Variants in CNTLN observed in about 807,000 individuals in gnomAD.
CNTLN encodes centlein, centrosomal protein.
CNTLN carries 212 observed loss-of-function variants against 180.0 expected under a neutral mutation model. The ratio of observed to expected loss-of-function variants is 1.18; its 90% CI spans 1.05 to 1.32. The LOEUF is 1.32. Ranked by LOEUF, CNTLN falls within the 40% of genes most tolerant of loss-of-function variation. CNTLN has a pLI of 0.00. For synonymous variants in CNTLN, 722 were observed against 563.1 expected (o/e 1.28, Z -3.99); for missense variants, 2,095 against 1,610.9 (o/e 1.30, Z -5.14).
At chr9:17,259,607 G>T (rs1554670077) in intron 5 of CNTLN, among the ~76,000 whole-genome samples, 1 of 150,738 alleles carries the variant, frequency 6.6e-6, no homozygotes, top group Non-Finnish European at 1.5e-5. Context: ...TCTGGTCCTG[G>T]ACTCTTTTTT....
rs543156669 is a variant in CNTLN, at chr9:17,409,441, A to G, written c.2764A>G (p.Thr922Ala). Residue 922 changes from threonine to alanine, a missense_variant, in exon 16 of 26, where the codon ACA (threonine) becomes GCA (alanine). By Grantham distance (58) the Thr-to-Ala change is moderately conservative. Transcript: ENST00000380647. ...AACACAAGGAAAAGAAATAGTACAGACATATTTAAATATAGATGGCAAGAC... is the reference window on the plus strand; with the variant it reads ...AACACAAGGAAAAGAAATAGTACAGGCATATTTAAATATAGATGGCAAGAC... ...SQTQGKEIVQ[T>A]YLNIDGKTPK... 8 of 1,606,714 alleles carry G rather than the reference A, an allele frequency of 5.0e-6. No individual in the cohort carries two copies. In the African/African-American group the frequency reaches 8.1e-5, roughly 16 times the overall value.
chr9:17,302,081 CAT>C (rs1388911727), intron 7 of CNTLN: 52 of 977,754 alleles, frequency 5.3e-5, no homozygotes, highest in African/African-American at 1.5e-4. Flanking sequence ...ACTGACTACA[CAT>C]ATGTGTACAC....
At chr9:17,374,897 A>T (rs112226754) in intron 13 of CNTLN, among the ~76,000 whole-genome samples, 34 of 152,162 alleles carry the variant, frequency 2.2e-4, no homozygotes, top group African/African-American at 7.5e-4. Flanking sequence ...CTGTGATATG[A>T]TCTAGCTATC....
the CNTLN span, among the ~76,000 whole-genome samples, chr9:17,514,731 G>C: frequency 2.0e-5 from 3 of 152,176 alleles, no homozygotes; most frequent in Admixed American, 1.3e-4. Context: ...CCAAGCCATA[G>C]ACTCCTGAGC....
At chr9:17,137,632 A>G (rs1817811168) in intron 1 of CNTLN, among the ~76,000 whole-genome samples, 1 of 152,222 alleles carries the variant, frequency 6.6e-6, no homozygotes, top group Admixed American at 6.5e-5. Flanking sequence ...AATTAATTTC[A>G]GAACCCAACA....
intron 2 of CNTLN, among the ~76,000 whole-genome samples, chr9:17,179,401 A>G (rs1052515740): frequency 1.3e-5 from 2 of 151,948 alleles, no homozygotes; most frequent in Admixed American, 6.6e-5. Context: ...ATTCAGTTCT[A>G]TGTATTTTTA....
chr9:17,446,389 T>C (rs1043621462), intron 18 of CNTLN, among the ~76,000 whole-genome samples: 1 of 152,198 alleles, frequency 6.6e-6, no homozygotes, highest in Admixed American at 6.5e-5. Context: ...ATTTAGGATA[T>C]ATTTAAGAAA....
chr9:17,196,692 AT>A (rs1822154907), intron 2 of CNTLN, among the ~76,000 whole-genome samples: 2 of 151,032 alleles, frequency 1.3e-5, no homozygotes, highest in South Asian at 4.1e-4. Context: ...GTAATAATAC[AT>A]TTTTAATATT....
chr9:17,448,452 C>T (rs1413683488), intron 18 of CNTLN: 1 of 152,246 alleles, frequency 6.6e-6, no homozygotes, highest in Non-Finnish European at 1.5e-5. Flanking sequence ...TTCACTTTCA[C>T]CTTCAGCAAA....
chr9:17,375,803 C>T lies in CNTLN; in HGVS notation c.1987+9086C>T, dbSNP rs78597022. Among the ~76,000 whole-genome samples, 2,698 of 152,128 alleles carry T rather than the reference C, an allele frequency of 0.018. 156 individuals are homozygous for T. In the East Asian group the frequency reaches 0.23, roughly 13 times the overall value. On this transcript the variant is annotated intron_variant, in intron 13 of 25. Coordinates refer to ENST00000380647, the MANE Select transcript of CNTLN (RefSeq NM_017738.4). Reference sequence around the variant, plus strand: ...CAGCTAGCTTAAATATGACCAGTAACGGGGAATGTCTCACTGCTCAAATTG... The same window carrying T: ...CAGCTAGCTTAAATATGACCAGTAATGGGGAATGTCTCACTGCTCAAATTG...
intron 2 of CNTLN, chr9:17,167,421 C>T (rs1820144497): frequency 6.6e-6 from 1 of 152,352 alleles, no homozygotes. Flanking sequence ...GAGATCCACA[C>T]ACAATTCAAG....
In CNTLN at chr9:17,378,257, G is replaced by T. The variant is rs183429864; in HGVS notation, c.1988-9905G>T. 1.2e-4 allele frequency among the ~76,000 whole-genome samples: 19 copies of T among 152,180 alleles called. No homozygotes were observed. The East Asian group carries it at 3.3e-3, about 26-fold the overall frequency. On this transcript the variant is annotated intron_variant, in intron 13 of 25. Coordinates refer to ENST00000380647, the MANE Select transcript of CNTLN (RefSeq NM_017738.4). ...TGCAGTGGCACAATCTTGGCTCATTGCAACCTCCGATTCCCTGGTTCAAGC... is the reference window on the plus strand; with the variant it reads ...TGCAGTGGCACAATCTTGGCTCATTTCAACCTCCGATTCCCTGGTTCAAGC...
At chr9:17,247,834 C>CTTT (rs1217713916) in intron 5 of CNTLN, among the ~76,000 whole-genome samples, 4 of 95,548 alleles carry the variant, frequency 4.2e-5, no homozygotes, top group Admixed American at 1.1e-4. Context: ...TCTGTTCTTT[C>CTTT]TTTTTTTTTT....
chr9:17,455,072 G>C (rs1265019498), intron 18 of CNTLN, among the ~76,000 whole-genome samples: 1 of 152,170 alleles, frequency 6.6e-6, no homozygotes, highest in Non-Finnish European at 1.5e-5. Context: ...GCAAAAGAAA[G>C]TTATTTATAC....
At chr9:17,498,770 C>A (rs755977970) in intron 25 of CNTLN, among the ~76,000 whole-genome samples, 2 of 152,076 alleles carry the variant, frequency 1.3e-5, no homozygotes, top group African/African-American at 4.8e-5. Context: ...CTGGCAAATA[C>A]CATCTGAGAT....
intron 2 of CNTLN, among the ~76,000 whole-genome samples, chr9:17,165,870 AAC>A (rs1227453112): frequency 1.3e-5 from 2 of 152,232 alleles, no homozygotes; most frequent in Admixed American, 1.3e-4. Flanking sequence ...CTAGAGAAAC[AAC>A]AGAGACACAC....
intron 2 of CNTLN, among the ~76,000 whole-genome samples, chr9:17,195,743 G>A (rs1343282475): frequency 2.6e-5 from 4 of 152,084 alleles, no homozygotes; most frequent in Non-Finnish European, 4.4e-5. Context: ...TAACTTAAGA[G>A]TGGTCTTCCC....
chr9:17,485,486 C>T (rs1433612831), intron 24 of CNTLN, among the ~76,000 whole-genome samples: 2 of 152,106 alleles, frequency 1.3e-5, no homozygotes, highest in East Asian at 3.9e-4. Flanking sequence ...AAATTCTAAA[C>T]TTTGAAGTAT....
At chr9:17,501,002 A>G (rs1833725741) in intron 25 of CNTLN, among the ~76,000 whole-genome samples, 1 of 152,194 alleles carries the variant, frequency 6.6e-6, no homozygotes, top group Non-Finnish European at 1.5e-5. Flanking sequence ...AGAACTGATC[A>G]TATTCTTTTT....
Sources: gnomAD v4.1 joint callset for allele counts (sites outside exome capture counted in the v4.1 genomes callset) on GRCh38, gnomAD v4.1.1 for gene constraint, MANE v1.5 for transcripts, NCBI Gene and HGNC (gene_info 2026-07-23, HGNC 2026-07-21) for gene names.